Variants in ACLY observed in about 807,000 individuals in gnomAD.
ACLY encodes ATP-citrate synthase.
In ACLY, 41 loss-of-function variants were observed where a neutral mutation model predicts 133.0. That is an observed-to-expected ratio of 0.31 (90% CI 0.24 to 0.40). ACLY has a LOEUF of 0.40. Among genes scored for constraint, ACLY ranks in the 10% least tolerant of loss-of-function variants. The pLI, the probability that ACLY is intolerant of heterozygous loss-of-function variation, is 1.00. For synonymous variants in ACLY, 495 were observed against 549.3 expected (o/e 0.90, Z 1.38); for missense variants, 1,046 against 1,453.8 (o/e 0.72, Z 4.56).
chr17:41,904,566 A>T (rs1311962707), intron 10 of ACLY, 163 bp downstream of exon 10: 3 of 636,922 alleles, frequency 4.7e-6, no homozygotes, highest in Non-Finnish European at 8.4e-6. Context: ...CTCCTGTCCC[A>T]GTGTCTTCTC....
intron 26 of ACLY, 34 bp downstream of exon 26, chr17:41,869,440 A>G (rs1555624618): frequency 1.3e-6 from 2 of 1,551,786 alleles, no homozygotes; most frequent in South Asian, 2.2e-5. Flanking sequence ...AACTTGTCCA[A>G]CGTGAGGGAA....
chr17:41,929,487 C>T (rs1055550524), intron 1 of ACLY, among the ~76,000 whole-genome samples: 2 of 152,138 alleles, frequency 1.3e-5, no homozygotes, highest in Non-Finnish European at 2.9e-5. Context: ...CATCCCAGAC[C>T]CTGGCTGAAT....
At chr17:41,886,064 C>T (rs1555628078) in intron 18 of ACLY, 48 bp downstream of exon 18, 3 of 1,575,000 alleles carry the variant, frequency 1.9e-6, no homozygotes, top group Non-Finnish European at 2.6e-6. Flanking sequence ...TCTCCTAGCC[C>T]ACTGCTCTCA....
chr17:41,887,557 G>GATAGC, intron 17 of ACLY, 42 bp downstream of exon 17: 1 of 1,543,340 alleles, frequency 6.5e-7, no homozygotes, highest in Non-Finnish European at 9.0e-7. Flanking sequence ...AACTTCATAA[G>GATAGC]ATAGCATCGA....
upstream of ACLY, among the ~76,000 whole-genome samples, chr17:41,919,567 G>A (rs1310342001): frequency 1.3e-5 from 2 of 152,236 alleles, no homozygotes; most frequent in Non-Finnish European, 2.9e-5. Flanking sequence ...CCCAGTGTGG[G>A]ATAAGGCAGG....
In ACLY at chr17:41,901,666, T is replaced by A. The variant is rs782083293; in HGVS notation, c.1183+30A>T. The A allele has an allele frequency of 8.2e-6, 13 of 1,586,306 alleles. No individual in the cohort carries two copies. The East Asian group carries it at 2.7e-4, about 33-fold the overall frequency. ...AGAGGAAGGCCACCCACACTCAGGG[T>A]GAGGGGGAGAGAAAAGGTCCTCATC... On this transcript the variant is annotated intron_variant, in intron 11 of 28. Coordinates refer to ENST00000352035, the MANE Select transcript of ACLY (RefSeq NM_001096.3).
At chr17:41,904,460 G>T in intron 10 of ACLY, 1 of 485,662 alleles carries the variant, frequency 2.1e-6, no homozygotes, top group East Asian at 3.5e-5. Context: ...TCCTGAGAAG[G>T]AAGAAAGCAG....
upstream of ACLY, among the ~76,000 whole-genome samples, chr17:41,923,149 T>C (rs906603518): frequency 2.6e-5 from 4 of 152,210 alleles, no homozygotes; most frequent in African/African-American, 9.6e-5. Flanking sequence ...CTGGCTAACA[T>C]GGCAAAACCC....
rs782467741 is a variant in ACLY at position 41,909,580 on chromosome 17, C to G, written c.466G>C (p.Val156Leu). 2 of 1,614,192 alleles carry G rather than the reference C, an allele frequency of 1.2e-6. No individual in the cohort carries two copies. The highest frequency in any genetic ancestry group is 1.7e-5 in the Admixed American group (1 of 60,016). Reference protein sequence around the residue: ...DAKAQKLLVGVDEKLNPEDIK... With the variant: ...DAKAQKLLVGLDEKLNPEDIK... ...TCCTCAGGATTCAGTTTCTCATCCACGCCAACAAGCAGCTTCTGGGCCTTG... is the reference window on the plus strand; with the variant it reads ...TCCTCAGGATTCAGTTTCTCATCCAGGCCAACAAGCAGCTTCTGGGCCTTG... The change falls in exon 5 of 29, where the codon GTG (valine) becomes CTG (leucine). Residue 156 changes from valine (V) to leucine (L), a missense_variant. By Grantham distance (32) the Val-to-Leu change is conservative (BLOSUM62 1). Coordinates refer to ENST00000352035, the MANE Select transcript of ACLY (RefSeq NM_001096.3).
chr17:41,870,026 A>C (rs1343970032), intron 25 of ACLY, among the ~76,000 whole-genome samples: 1 of 152,310 alleles, frequency 6.6e-6, no homozygotes, highest in Non-Finnish European at 1.5e-5. Flanking sequence ...GTGGGGAGGC[A>C]AAGTATTCCC....
At chr17:41,919,321 G>C (rs1318884909), upstream of ACLY, among the ~76,000 whole-genome samples, 1 of 148,350 alleles carries the variant, frequency 6.7e-6, no homozygotes, top group East Asian at 2.1e-4. Flanking sequence ...GGGGCGGGTA[G>C]GATTAGCCCA....
At chr17:41,909,190 T>C in intron 5 of ACLY, 122 bp from the exon 6 acceptor site, 1 of 774,198 alleles carries the variant, frequency 1.3e-6, no homozygotes, top group Admixed American at 2.0e-5. Context: ...CGCACCCCAC[T>C]GGCCCTTCCA....
chr17:41,906,723 C>A, intron 7 of ACLY, 77 bp from the exon 8 acceptor site: 1 of 1,324,774 alleles, frequency 7.5e-7, no homozygotes, highest in Non-Finnish European at 1.1e-6. Context: ...CCCCTCCCCG[C>A]TTTCCCTGGA....
intron 1 of ACLY, among the ~76,000 whole-genome samples, chr17:41,929,243 C>T (rs527978742): frequency 1.7e-3 from 254 of 152,144 alleles, no homozygotes; most frequent in African/African-American, 5.7e-3. Context: ...TACAGGCACA[C>T]GCCACCACAC....
rs919622567 is a variant in ACLY, at chr17:41,896,517, G to A, written c.1459+103C>T. 36 of 1,080,728 alleles carry A rather than the reference G, an allele frequency of 3.3e-5. No homozygotes were observed. In the South Asian group the frequency reaches 3.7e-4, roughly 11 times the overall value. The allele number at this position is 1,080,728 out of a possible 1,614,324, so 66.9% of individuals were successfully genotyped here. A position where few individuals can be genotyped will look rare whatever the true frequency, so the allele number is the denominator to read the frequency against. On this transcript the variant is annotated intron_variant, in intron 14 of 28. Transcript: ENST00000352035. ...GGCAGGGACAGAAAATAGACCAGACGACACTGCAACCCACCAGGGGAGGGG... is the reference window on the plus strand; with the variant it reads ...GGCAGGGACAGAAAATAGACCAGACAACACTGCAACCCACCAGGGGAGGGG...
At chr17:41,879,413 CTTTTT>C (rs1190398954) in intron 20 of ACLY, among the ~76,000 whole-genome samples, 1 of 128,844 alleles carries the variant, frequency 7.8e-6, no homozygotes, top group East Asian at 2.3e-4. Context: ...CCCCCCCCGC[CTTTTT>C]TTTTTTTTTT....
intron 23 of ACLY, 35 bp from the exon 24 acceptor site, chr17:41,872,217 G>A (rs782252739): frequency 5.6e-6 from 9 of 1,596,958 alleles, no homozygotes; most frequent in Admixed American, 3.3e-5. Context: ...GGAGATGGTC[G>A]ACAAGGCCAT....
chr17:41,869,545 C>G lies in ACLY; in HGVS notation c.2980G>C (p.Val994Leu), dbSNP rs1488337852. The G allele has an allele frequency of 6.2e-7, 1 of 1,613,946 alleles. No homozygotes were observed. The highest frequency in any genetic ancestry group is 8.5e-7 in the Non-Finnish European group (1 of 1,180,020). The change falls in exon 26 of 29, where the codon GTC (valine) becomes CTC (leucine). Residue 994 changes from valine to leucine, a missense_variant. Around this residue, in one of 4 missense-constraint regions of ACLY, gnomAD observed 205 missense variants for 373.3 expected, o/e 0.55. Coordinates refer to ENST00000352035, the MANE Select transcript of ACLY (RefSeq NM_001096.3). ...DMRVQILKDYVRQHFPATPLL... is the reference protein window; with the variant it reads ...DMRVQILKDYLRQHFPATPLL... The stretch of plus-strand genomic sequence containing the variant: ...GGAGTGGCAGGGAAGTGCTGCCTGA[C>G]GTAATCTTTGAGGATCTGCACTCGC...
chr17:41,877,947 A>G (rs1453319337), intron 22 of ACLY, among the ~76,000 whole-genome samples, 156 bp downstream of exon 22: 1 of 152,028 alleles, frequency 6.6e-6, no homozygotes, highest in African/African-American at 2.4e-5. Flanking sequence ...TCTCCTTTAT[A>G]TATATATATC....
Sources: allele counts gnomAD v4.1 joint callset (sites outside exome capture counted in the v4.1 genomes callset), GRCh38; gene constraint gnomAD v4.1.1; regional missense constraint gnomAD v4.1.1; transcripts MANE v1.5; gene names NCBI Gene and HGNC (gene_info 2026-07-23, HGNC 2026-07-21).